The following EIPR1 variants were observed in gnomAD, a reference collection of about 807,000 sequenced individuals.
EIPR1 encodes the protein EARP and GARP complex-interacting protein 1.
In EIPR1, 25 loss-of-function variants were observed where a neutral mutation model predicts 48.1. The ratio of observed to expected loss-of-function variants is 0.52; its 90% CI spans 0.38 to 0.73. The LOEUF is 0.73. Among genes scored for constraint, EIPR1 ranks in the 30% least tolerant of loss-of-function variants. The pLI, the probability that EIPR1 is intolerant of heterozygous loss-of-function variation, is 0.00. For missense variants in EIPR1, 415 were observed against 506.2 expected, an observed-to-expected ratio of 0.82 and a Z score of 1.73; for synonymous variants, 204 against 201.9, an observed-to-expected ratio of 1.01 and a Z score of -0.09.
intron 1 of EIPR1, among the ~76,000 whole-genome samples, chr2:3,372,010 A>T (rs1671128656): frequency 6.6e-6 from 1 of 152,102 alleles, no homozygotes; most frequent in African/African-American, 2.4e-5. Flanking sequence ...AATGTAAAAG[A>T]ACAGAAATTA....
At chr2:3,249,103 G>A (rs1666928757) in intron 4 of EIPR1, among the ~76,000 whole-genome samples, 1 of 152,176 alleles carries the variant, frequency 6.6e-6, no homozygotes, top group Admixed American at 6.6e-5. Context: ...TTGAGACTGG[G>A]TAACGAGCGG....
chr2:3,352,722 C>T (rs569749691), intron 2 of EIPR1, among the ~76,000 whole-genome samples: 12 of 152,342 alleles, frequency 7.9e-5, no homozygotes, highest in Non-Finnish European at 7.3e-5. Context: ...AGTGGCTGGG[C>T]GCAGTGGCTC....
Position 3,257,093 on chromosome 2 carries a change from G to C in EIPR1, c.416+206C>G, listed in dbSNP as rs74720992. Among the ~76,000 whole-genome samples, 1,153 of 152,358 alleles carry C rather than the reference G, an allele frequency of 7.6e-3. 13 individuals are homozygous for C. Among genetic ancestry groups the C allele is most frequent in the Non-Finnish European group, 0.013 (854 of 68,034 alleles). On this transcript the variant is annotated intron_variant, in intron 4 of 8. Coordinates refer to ENST00000382125, the MANE Select transcript of EIPR1 (RefSeq NM_003310.5). ...TAGATGAAGAGGAGAAAGTGGGGATGCAGGCGCGCTGGCTACATTTCTGTC... is the reference window on the plus strand; with the variant it reads ...TAGATGAAGAGGAGAAAGTGGGGATCCAGGCGCGCTGGCTACATTTCTGTC...
chr2:3,201,716 T>TA, intron 5 of EIPR1, among the ~76,000 whole-genome samples: 1 of 152,308 alleles, frequency 6.6e-6, no homozygotes, highest in South Asian at 2.1e-4. Flanking sequence ...AAACCTTTAG[T>TA]AAAAGCCAGT....
intron 4 of EIPR1, among the ~76,000 whole-genome samples, chr2:3,223,188 C>A (rs1665952899): frequency 6.6e-6 from 1 of 152,172 alleles, no homozygotes. Flanking sequence ...ATCACTTGGC[C>A]TGCACATTCT....
At chr2:3,355,670 CTGGGAA>C (rs67464173) in intron 1 of EIPR1, among the ~76,000 whole-genome samples, 73,676 of 151,134 alleles carry the variant, frequency 0.49, 19,367 homozygotes, top group Admixed American at 0.6. Context: ...TAAAAATCAT[CTGGGAA>C]TGGTGGCTCG....
At chr2:3,218,449 G>A (rs112065100) in intron 4 of EIPR1, among the ~76,000 whole-genome samples, 5 of 148,634 alleles carry the variant, frequency 3.4e-5, no homozygotes, top group South Asian at 4.4e-4. Flanking sequence ...ACACGGCCCC[G>A]ATACGCTCTA....
chr2:3,318,817 C>T (rs1404636439), intron 3 of EIPR1: 2 of 469,312 alleles, frequency 4.3e-6, no homozygotes, highest in Non-Finnish European at 8.9e-6. Context: ...ACCCCAAACT[C>T]AGGAGGGGTG....
chr2:3,300,112 G>C (rs2103292130), intron 3 of EIPR1, among the ~76,000 whole-genome samples: 1 of 152,258 alleles, frequency 6.6e-6, no homozygotes, highest in South Asian at 2.1e-4. Context: ...AGGTCAAAAA[G>C]GGTCAAATTT....
chr2:3,194,939 C>T (rs1664757083), intron 6 of EIPR1, among the ~76,000 whole-genome samples: 1 of 152,220 alleles, frequency 6.6e-6, no homozygotes, highest in African/African-American at 2.4e-5. Flanking sequence ...AAATGAGTCA[C>T]ACGGCTGTTC....
At chr2:3,344,800 G>A (rs909323862) in intron 2 of EIPR1, among the ~76,000 whole-genome samples, 3 of 151,550 alleles carry the variant, frequency 2.0e-5, no homozygotes, top group South Asian at 2.1e-4. Context: ...GCACCACCAC[G>A]CCCAGCTAAT....
intron 4 of EIPR1, among the ~76,000 whole-genome samples, chr2:3,243,173 G>C (rs1482187671): frequency 1.3e-5 from 2 of 152,184 alleles, no homozygotes; most frequent in East Asian, 3.9e-4. Context: ...TTTAAAGTCT[G>C]ACAGAAAGCA....
At chr2:3,364,743 T>A (rs911666009) in intron 1 of EIPR1, among the ~76,000 whole-genome samples, 1 of 152,052 alleles carries the variant, frequency 6.6e-6, no homozygotes, top group African/African-American at 2.4e-5. Flanking sequence ...AGACAACACA[T>A]GTTTTCAGTC....
intron 3 of EIPR1, among the ~76,000 whole-genome samples, chr2:3,288,907 C>G (rs1351874047): frequency 1.3e-5 from 2 of 152,222 alleles, no homozygotes; most frequent in Admixed American, 1.3e-4. Context: ...CGCCCACAGG[C>G]CCCAGCAGCC....
chr2:3,280,791 G>A (rs148526095), intron 3 of EIPR1, among the ~76,000 whole-genome samples: 98 of 152,224 alleles, frequency 6.4e-4, no homozygotes, highest in African/African-American at 2.0e-3. Flanking sequence ...GCCTTCCAGC[G>A]CACTCAAGGA....
chr2:3,283,932 C>T (rs1470278676), intron 3 of EIPR1, among the ~76,000 whole-genome samples: 4 of 124,868 alleles, frequency 3.2e-5, no homozygotes, highest in Admixed American at 1.0e-4. Flanking sequence ...GGTGACAAAG[C>T]GAGACTACAT....
chr2:3,200,808 G>A (rs1356443349), intron 5 of EIPR1, among the ~76,000 whole-genome samples: 1 of 152,160 alleles, frequency 6.6e-6, no homozygotes, highest in East Asian at 1.9e-4. Flanking sequence ...GCAGAACAGT[G>A]GGGGCAGGGC....
In EIPR1 at chr2:3,248,322, G is replaced by A. The variant is rs554891932; in HGVS notation, c.416+8977C>T. ...AACTAGCCGGGCATGAGCTGGGTGCGGTGGCACACGCCTGTAATCCTAGCA... is the reference window on the plus strand; with the variant it reads ...AACTAGCCGGGCATGAGCTGGGTGCAGTGGCACACGCCTGTAATCCTAGCA... On this transcript the variant is annotated intron_variant, in intron 4 of 8. Coordinates refer to ENST00000382125, the MANE Select transcript of EIPR1 (RefSeq NM_003310.5). Among the ~76,000 whole-genome samples, 17 of 152,226 alleles carry A rather than the reference G, an allele frequency of 1.1e-4. No individual in the cohort carries two copies. In the South Asian group the frequency reaches 1.2e-3, roughly 11 times the overall value.
At chr2:3,204,293 G>A (rs2103120124) in intron 5 of EIPR1, among the ~76,000 whole-genome samples, 1 of 152,326 alleles carries the variant, frequency 6.6e-6, no homozygotes, top group African/African-American at 2.4e-5. Context: ...TCATGCTAAC[G>A]CCTGTACTCC....
Sources: gnomAD v4.1 joint callset for allele counts (sites outside exome capture counted in the v4.1 genomes callset) on GRCh38, gnomAD v4.1.1 for gene constraint, MANE v1.5 for transcripts, NCBI Gene and HGNC (gene_info 2026-07-23, HGNC 2026-07-21) for gene names.